Variants in DNAJC7 observed in about 807,000 individuals in gnomAD.
DNAJC7 encodes dnaJ homolog subfamily C member 7.
In DNAJC7, 18 loss-of-function variants were observed where a neutral mutation model predicts 67.4. The observed-to-expected ratio is 0.27, with a 90% CI of 0.18 to 0.40. The LOEUF (loss-of-function observed/expected upper bound fraction) is 0.40, where lower values mean the gene tolerates loss of function less well. DNAJC7 is among the 10% of genes least tolerant of loss of function. The pLI is 1.00. For synonymous variants in DNAJC7, 220 were observed against 207.8 expected (o/e 1.06, Z -0.50); for missense variants, 419 against 613.8 (o/e 0.68, Z 3.35).
intron 13 of DNAJC7, chr17:41,977,042 C>T (rs971800150): frequency 1.6e-6 from 1 of 644,878 alleles, no homozygotes; most frequent in African/African-American, 1.8e-5. Context: ...GCCTCCCTGA[C>T]CCTGCAGAGA....
chr17:41,988,784 T>C lies in DNAJC7; in HGVS notation c.866A>G (p.Asn289Ser). 1 of 1,613,086 alleles carries C rather than the reference T, an allele frequency of 6.2e-7. No homozygotes were observed. Among genetic ancestry groups the C allele is most frequent in the African/African-American group, 1.3e-5 (1 of 74,992 alleles). ...GTAGAGTTTAGCATTTGTTTTTATA[T>C]TGTTGGGGTCTATCCCCAGGGCTTC... ...YTEALGIDPN[N>S]IKTNAKLYCN... The change falls in exon 8 of 14, where the codon AAT becomes AGT. Residue 289 changes from asparagine (N) to serine (S), a missense_variant. Coordinates refer to ENST00000457167, the MANE Select transcript of DNAJC7 (RefSeq NM_003315.4).
chr17:42,017,280 G>T, intron 1 of DNAJC7, 60 bp downstream of exon 1: 1 of 1,606,752 alleles, frequency 6.2e-7, no homozygotes. Flanking sequence ...TGGCAGGAAC[G>T]AGTTTCCCTG....
At chr17:41,997,365 ACCACT>A in intron 2 of DNAJC7, 126 bp from the exon 3 acceptor site, 1 of 1,233,374 alleles carries the variant, frequency 8.1e-7, no homozygotes, top group Non-Finnish European at 1.1e-6. Flanking sequence ...AAGAGGGGAG[ACCACT>A]TGAGGTCAGG....
chr17:42,000,887 C>T (rs894505347), intron 1 of DNAJC7: 9 of 187,038 alleles, frequency 4.8e-5, no homozygotes, highest in Non-Finnish European at 7.7e-5. Context: ...TTTAGACATT[C>T]CCTCATGGCA....
At chr17:41,996,493 C>G in intron 3 of DNAJC7, 69 bp from the exon 4 acceptor site, 4 of 1,417,652 alleles carry the variant, frequency 2.8e-6, no homozygotes, top group Non-Finnish European at 2.9e-6. Context: ...ACAGCAGCAA[C>G]AGACACCCAC....
intron 1 of DNAJC7, chr17:42,016,828 G>T (rs2052309902): frequency 8.3e-6 from 4 of 482,096 alleles, no homozygotes; most frequent in Non-Finnish European, 1.1e-5. Context: ...GATAACCGGG[G>T]GCAACCAGGT....
intron 1 of DNAJC7, 130 bp downstream of exon 1, chr17:42,017,210 T>C: frequency 6.3e-7 from 1 of 1,592,666 alleles, no homozygotes; most frequent in Non-Finnish European, 8.5e-7. Context: ...GGCCTTGATC[T>C]CAGATGGGGG....
intron 1 of DNAJC7, chr17:42,016,928 T>C: frequency 8.9e-7 from 1 of 1,119,204 alleles, no homozygotes; most frequent in Non-Finnish European, 1.1e-6. Flanking sequence ...AGAGCAAAGG[T>C]TTTGGAGACG....
intron 12 of DNAJC7, chr17:41,977,636 C>T (rs2051127523): frequency 4.0e-6 from 1 of 248,360 alleles, no homozygotes; most frequent in Non-Finnish European, 7.8e-6. Context: ...TTACACAAGA[C>T]TTTCCCCATA....
At position 41,990,333 on chromosome 17, in the gene DNAJC7, C is replaced by T. The variant is rs1555647571; in HGVS notation, c.530G>A (p.Arg177His). ...RALEFAPACH[R>H]FKILKAECLA... ...ACATTCTGCCTTGAGGATTTTGAAGCGATGGCAGGCAGGGGCAAATTCTAG... is the reference window on the plus strand; with the variant it reads ...ACATTCTGCCTTGAGGATTTTGAAGTGATGGCAGGCAGGGGCAAATTCTAG... The change falls in exon 6 of 14, where the codon CGC becomes CAC. Residue 177 changes from arginine (R) to histidine (H), a missense_variant. By Grantham distance (29) the Arg-to-His change is conservative. Transcript: ENST00000457167. 1.1e-5 allele frequency: 17 copies of T among 1,611,688 alleles called. No homozygotes were observed. The East Asian group carries it at 2.2e-4, about 21-fold the overall frequency.
At chr17:41,994,991 T>A (rs1555648383) in intron 4 of DNAJC7, 47 bp from the exon 5 acceptor site, 2 of 1,533,698 alleles carry the variant, frequency 1.3e-6, no homozygotes, top group Non-Finnish European at 9.0e-7. Context: ...AAGCTGTAGA[T>A]TAAACAACCA....
rs200438343 is a variant in DNAJC7, at chr17:42,017,394, T to A, written c.23A>T (p.Asp8Val). MAAAAEC[D>V]VVMAATEPEL... ...CGGCTCGGTCGCCGCCATTACCACA[T>A]CGCACTCCGCGGCAGCCGCCATCTT... Residue 8 changes from aspartate to valine, a missense_variant, in exon 1 of 14, where the codon GAT (aspartate) becomes GTT (valine). Transcript: ENST00000457167. 6.2e-7 allele frequency: 1 copy of A among 1,609,520 alleles called. No individual in the cohort carries two copies. The highest frequency in any genetic ancestry group is 8.5e-7 in the Non-Finnish European group (1 of 1,179,846).
At chr17:41,990,144 A>G (rs2051476689) in intron 6 of DNAJC7, 120 bp downstream of exon 6, 1 of 927,110 alleles carries the variant, frequency 1.1e-6, no homozygotes, top group Non-Finnish European at 1.7e-6. Flanking sequence ...TTAAGTCCCA[A>G]GAGGGTCTGA....
In DNAJC7 at chr17:42,003,949, A is replaced by ATTTT. The variant is rs2051875595; in HGVS notation, c.78-3380_78-3379insAAAA. Among the ~76,000 whole-genome samples the ATTTT allele has an allele frequency of 6.5e-5, 3 of 46,368 alleles. No individual in the cohort carries two copies. In the South Asian group the frequency reaches 2.3e-3, roughly 36 times the overall value. 30.4% of individuals were successfully genotyped at this position (46,368 alleles called of 152,430 possible). ...CGAAGCATTTCCAATGAAGATTTTCAATTTTTTTTTTTTTTTTTTTTTTTT... is the reference window on the plus strand; with the variant it reads ...CGAAGCATTTCCAATGAAGATTTTCATTTTATTTTTTTTTTTTTTTTTTTTTTTT... On this transcript the variant is annotated intron_variant, in intron 1 of 13. Transcript: ENST00000457167.
chr17:42,017,069 G>C (rs1460631328), intron 1 of DNAJC7: 2 of 1,382,108 alleles, frequency 1.4e-6, no homozygotes, highest in East Asian at 2.9e-5. Flanking sequence ...ATTGCCCTCG[G>C]AGACTCGGCC....
chr17:42,001,912 CTA>C (rs2051817882), intron 1 of DNAJC7, among the ~76,000 whole-genome samples: 1 of 152,178 alleles, frequency 6.6e-6, no homozygotes, highest in African/African-American at 2.4e-5. Context: ...TGGGAATGAC[CTA>C]TAAATGCTGA....
At position 41,994,932 on chromosome 17, in the gene DNAJC7, T is replaced by A; in HGVS notation, c.418A>T (p.Asn140Tyr). 3 of 1,613,838 alleles carry A rather than the reference T, an allele frequency of 1.9e-6. No individual in the cohort carries two copies. The highest frequency in any genetic ancestry group is 2.5e-6 in the Non-Finnish European group (3 of 1,179,798). ...AQAQQEFKNA[N>Y]AVMEYEKIAE... ...ATTTTCTCATATTCCATGACTGCAT[T>A]AGCATTCTTGAACTGCACCGGAAAA... The change falls in exon 5 of 14, where the codon AAT becomes TAT. Residue 140 changes from asparagine (N) to tyrosine (Y), a missense_variant. By Grantham distance (143) the Asn-to-Tyr change is moderately radical (BLOSUM62 -2). This residue lies in a region of DNAJC7 where 179 missense variants were observed against 249.7 expected (regional missense o/e 0.72). Coordinates refer to ENST00000457167, the MANE Select transcript of DNAJC7 (RefSeq NM_003315.4).
At chr17:42,004,722 G>T (rs1242896548) in intron 1 of DNAJC7, among the ~76,000 whole-genome samples, 2 of 152,090 alleles carry the variant, frequency 1.3e-5, no homozygotes, top group Non-Finnish European at 2.9e-5. Flanking sequence ...GTATTTCTTT[G>T]TTTTTCAGAA....
At chr17:41,982,487 AG>A (rs2051275399) in intron 10 of DNAJC7, 86 bp from the exon 11 acceptor site, 1 of 1,522,980 alleles carries the variant, frequency 6.6e-7, no homozygotes, top group African/African-American at 1.4e-5. Context: ...TGGGAGTTAG[AG>A]GCCTTGTTAA....
Sources: allele counts gnomAD v4.1 joint callset (sites outside exome capture counted in the v4.1 genomes callset), GRCh38; gene constraint gnomAD v4.1.1; regional missense constraint gnomAD v4.1.1; transcripts MANE v1.5; gene names NCBI Gene and HGNC (gene_info 2026-07-23, HGNC 2026-07-21).